The following SEZ6 variants were observed in gnomAD, a reference collection of about 807,000 sequenced individuals.
SEZ6 encodes the protein seizure protein 6 homolog.
Under a neutral mutation model 101.0 loss-of-function variants are expected in SEZ6, and 53 were observed. That is an observed-to-expected ratio of 0.52 (90% CI 0.42 to 0.66). SEZ6 has a LOEUF of 0.66. Ranked by LOEUF, SEZ6 falls within the 30% of genes least tolerant of loss-of-function variation. The pLI is 0.00. For synonymous variants in SEZ6, 488 were observed against 512.2 expected (o/e 0.95, Z 0.64); for missense variants, 1,102 against 1,289.4 (o/e 0.85, Z 2.23).
rs543665757 is a variant in SEZ6 at position 28,976,762 on chromosome 17, A to G, written c.858+2918T>C. ...CCCTACACAACAAAGCCACCTTTCC[A>G]AAACAGCCAGGGCAGCCTTCAAGGG... On this transcript the variant is annotated intron_variant, in intron 3 of 16. Coordinates refer to ENST00000317338, the MANE Select transcript of SEZ6 (RefSeq NM_178860.5). Among the ~76,000 whole-genome samples, 8 of 152,320 alleles carry G rather than the reference A, an allele frequency of 5.3e-5. No homozygotes were observed. In the South Asian group the frequency reaches 1.7e-3, roughly 32 times the overall value.
At chr17:28,985,578 G>C (rs2041368138) in intron 1 of SEZ6, among the ~76,000 whole-genome samples, 1 of 152,236 alleles carries the variant, frequency 6.6e-6, no homozygotes, top group Non-Finnish European at 1.5e-5. Context: ...TGCATGCTCT[G>C]AATAGGAGAG....
chr17:28,956,960 G>T lies in SEZ6; in HGVS notation c.2692+85C>A, dbSNP rs908562261. 2.1e-6 allele frequency: 3 copies of T among 1,435,426 alleles called. No homozygotes were observed. The African/African-American group carries it at 4.3e-5, about 20-fold the overall frequency. 88.9% of individuals were successfully genotyped at this position (1,435,426 alleles called of 1,614,324 possible). A position where few individuals can be genotyped will look rare whatever the true frequency, so the allele number is the denominator to read the frequency against. On this transcript the variant is annotated intron_variant, in intron 13 of 16. Transcript: ENST00000317338. ...GGTAACATGAAGGTGGCATGGGCAG[G>T]TGGTTCTGGTTCTAAACATTGGACA...
intron 3 of SEZ6, among the ~76,000 whole-genome samples, chr17:28,973,146 G>A (rs1215954001): frequency 6.6e-6 from 1 of 152,070 alleles, no homozygotes; most frequent in South Asian, 2.1e-4. Context: ...CATCCTCACC[G>A]TGAATCTATA....
At chr17:29,004,202 C>T (rs1261730406) in intron 1 of SEZ6, among the ~76,000 whole-genome samples, 2 of 152,220 alleles carry the variant, frequency 1.3e-5, no homozygotes, top group Non-Finnish European at 2.9e-5. Context: ...CATTCAGACC[C>T]ACAAACTCAC....
chr17:28,976,850 G>A (rs191518570), intron 3 of SEZ6, among the ~76,000 whole-genome samples: 1 of 152,316 alleles, frequency 6.6e-6, no homozygotes, highest in East Asian at 1.9e-4. Context: ...CATCCTACAG[G>A]TCTCAGGCCA....
chr17:28,963,831 C>T (rs566657585), intron 5 of SEZ6, 131 bp downstream of exon 5: 1 of 1,058,930 alleles, frequency 9.4e-7, no homozygotes, highest in Non-Finnish European at 1.4e-6. Flanking sequence ...ATGAATGCCA[C>T]TGAGGTGCAT....
chr17:28,958,385 C>T (rs1045703288), intron 10 of SEZ6, among the ~76,000 whole-genome samples: 8 of 152,184 alleles, frequency 5.3e-5, no homozygotes, highest in Non-Finnish European at 1.0e-4. Context: ...TTGACCAGTT[C>T]CTTAGGCCTG....
chr17:29,000,023 G>A (rs2041593966), intron 1 of SEZ6, among the ~76,000 whole-genome samples: 1 of 152,170 alleles, frequency 6.6e-6, no homozygotes, highest in East Asian at 1.9e-4. Flanking sequence ...TGACAACATG[G>A]GTTTCAACTT....
intron 1 of SEZ6, among the ~76,000 whole-genome samples, chr17:28,992,028 C>G (rs939433069): frequency 1.3e-5 from 2 of 152,310 alleles, no homozygotes; most frequent in African/African-American, 4.8e-5. Context: ...GCCAGCAGCA[C>G]CGAGGGCAGA....
At chr17:28,972,808 A>T (rs1039932035) in intron 3 of SEZ6, among the ~76,000 whole-genome samples, 2 of 152,190 alleles carry the variant, frequency 1.3e-5, no homozygotes, top group African/African-American at 4.8e-5. Flanking sequence ...AGGCAGCAGG[A>T]ATCCTCGGGG....
chr17:28,956,710 G>A lies in SEZ6; in HGVS notation c.2731+9C>T, dbSNP rs768784053. 1.3e-6 allele frequency: 2 copies of A among 1,559,602 alleles called. No individual in the cohort carries two copies. The highest frequency in any genetic ancestry group is 4.8e-5 in the East Asian group (2 of 41,546). Reference sequence around the variant, plus strand: ...GACCACTTCTCTGGCCTCAAGGGTGGAGACTTACCATCCAGGCTGCGACTG... The same window carrying A: ...GACCACTTCTCTGGCCTCAAGGGTGAAGACTTACCATCCAGGCTGCGACTG... On this transcript the variant is annotated intron_variant, in intron 14 of 16. Coordinates refer to ENST00000317338, the MANE Select transcript of SEZ6 (RefSeq NM_178860.5).
intron 2 of SEZ6, among the ~76,000 whole-genome samples, chr17:28,980,861 T>C (rs1423368188): frequency 1.3e-5 from 2 of 151,992 alleles, no homozygotes. Flanking sequence ...AGATGTTAAA[T>C]AGAATTCCTA....
chr17:28,966,780 G>C (rs1039936940), intron 4 of SEZ6, among the ~76,000 whole-genome samples: 18 of 152,142 alleles, frequency 1.2e-4, no homozygotes, highest in African/African-American at 4.3e-4. Flanking sequence ...AAAAGAAAAA[G>C]AGGCTGTCTC....
At chr17:28,995,218 C>T (rs1257359614) in intron 1 of SEZ6, among the ~76,000 whole-genome samples, 1 of 152,144 alleles carries the variant, frequency 6.6e-6, no homozygotes, top group Non-Finnish European at 1.5e-5. Context: ...GTCACCTCAT[C>T]TCCCTCTGCT....
At position 29,006,007 on chromosome 17, in the gene SEZ6, G is replaced by A; in HGVS notation, c.-138C>T. 3.0e-6 allele frequency: 2 copies of A among 657,394 alleles called. No homozygotes were observed. Among genetic ancestry groups the A allele is most frequent in the Non-Finnish European group, 4.2e-6 (2 of 473,478 alleles). The allele number at this position is 657,394 out of a possible 1,614,324, so 40.7% of individuals were successfully genotyped here. A position where few individuals can be genotyped will look rare whatever the true frequency, so the allele number is the denominator to read the frequency against. ...CGCAGCCGTCACCGCCGCTGCCGCC[G>A]CCAGCGCCTGACAGAATCAGCACCA... On this transcript the variant is annotated 5_prime_UTR_variant, in exon 1 of 17. Coordinates refer to ENST00000317338, the MANE Select transcript of SEZ6 (RefSeq NM_178860.5).
chr17:28,987,603 G>C (rs542633451), intron 1 of SEZ6, among the ~76,000 whole-genome samples: 1 of 152,268 alleles, frequency 6.6e-6, no homozygotes, highest in South Asian at 2.1e-4. Flanking sequence ...GCTCCTCCAA[G>C]GTCACCCAGA....
chr17:28,958,220 G>A, intron 10 of SEZ6, 79 bp from the exon 11 acceptor site: 1 of 1,500,270 alleles, frequency 6.7e-7, no homozygotes, highest in Non-Finnish European at 9.0e-7. Context: ...GGGCACTCTG[G>A]CTCCTGCTAG....
intron 1 of SEZ6, among the ~76,000 whole-genome samples, chr17:28,998,687 G>A (rs1192765752): frequency 1.3e-5 from 2 of 152,266 alleles, no homozygotes; most frequent in East Asian, 3.9e-4. Context: ...TCCAGTGGCA[G>A]GAGAGGTCCT....
chr17:28,969,861 A>C lies in SEZ6; in HGVS notation c.950T>G (p.Leu317Arg). The C allele has an allele frequency of 6.5e-7, 1 of 1,536,242 alleles. No individual in the cohort carries two copies. The highest frequency in any genetic ancestry group is 8.7e-7 in the Non-Finnish European group (1 of 1,151,516). Reference sequence around the variant, plus strand: ...GCTGCGGATGACTTGGCCCCGCAGCAGGAAAGACTGGTTGGCCAGGGGCAG... The same window carrying C: ...GCTGCGGATGACTTGGCCCCGCAGCCGGAAAGACTGGTTGGCCAGGGGCAG... ...DPLPLANQSF[L>R]LRGQVIRSPT... Residue 317 changes from leucine (L) to arginine (R), a missense_variant, in exon 4 of 17, where the codon CTG (leucine) becomes CGG (arginine). Coordinates refer to ENST00000317338, the MANE Select transcript of SEZ6 (RefSeq NM_178860.5).
Sources: allele counts gnomAD v4.1 joint callset (sites outside exome capture counted in the v4.1 genomes callset), GRCh38; gene constraint gnomAD v4.1.1; transcripts MANE v1.5; gene names NCBI Gene and HGNC (gene_info 2026-07-23, HGNC 2026-07-21).